TMPRSS2: variants seen among roughly 807,000 people sequenced by gnomAD.
TMPRSS2 encodes the protein transmembrane protease serine 2.
Under a neutral mutation model 67.4 loss-of-function variants are expected in TMPRSS2, and 59 were observed. The observed-to-expected ratio is 0.88, with a 90% CI of 0.71 to 1.09. The LOEUF is 1.09. Ranked by LOEUF, TMPRSS2 falls within the 50% of genes least tolerant of loss-of-function variation. The pLI is 0.00. For missense variants in TMPRSS2, 668 were observed against 642.7 expected (o/e 1.04, Z -0.43); for synonymous variants, 257 against 257.0 (o/e 1.00, Z 0.00).
intron 3 of TMPRSS2, among the ~76,000 whole-genome samples, chr21:41,492,944 C>A (rs144988776): frequency 1.3e-5 from 2 of 152,200 alleles, no homozygotes; most frequent in African/African-American, 2.4e-5. Flanking sequence ...TCCATCCCCA[C>A]GGTGGACAAA....
chr21:41,485,273 T>C (rs1292209491), intron 5 of TMPRSS2, among the ~76,000 whole-genome samples: 1 of 152,068 alleles, frequency 6.6e-6, no homozygotes, highest in Non-Finnish European at 1.5e-5. Context: ...GACTTAAATA[T>C]TAAGAAGAGA....
At chr21:41,481,847 G>T (rs1230281006) in intron 5 of TMPRSS2, among the ~76,000 whole-genome samples, 1 of 152,162 alleles carries the variant, frequency 6.6e-6, no homozygotes, top group Admixed American at 6.5e-5. Context: ...CAGATCACCT[G>T]AGGTCAGGCG....
At chr21:41,495,955 ATATAG>A (rs903560191) in intron 2 of TMPRSS2, among the ~76,000 whole-genome samples, 26 of 152,150 alleles carry the variant, frequency 1.7e-4, no homozygotes, top group African/African-American at 6.0e-4. Flanking sequence ...ATTTAGTAAA[ATATAG>A]TAATAATTTT....
chr21:41,483,996 G>A (rs923578491), intron 5 of TMPRSS2, among the ~76,000 whole-genome samples: 2 of 152,078 alleles, frequency 1.3e-5, no homozygotes, highest in African/African-American at 4.8e-5. Flanking sequence ...GTACATGCCT[G>A]TGGCCCCAGC....
intron 8 of TMPRSS2, among the ~76,000 whole-genome samples, chr21:41,475,986 G>C (rs1414121759): frequency 6.6e-6 from 1 of 151,976 alleles, no homozygotes; most frequent in Non-Finnish European, 1.5e-5. Context: ...CGACAGCACT[G>C]GGCCATCCCA....
chr21:41,498,107 T>TGAG lies in TMPRSS2; in HGVS notation c.15+11_15+12insCTC. 1 of 1,594,008 alleles carries TGAG rather than the reference T, an allele frequency of 6.3e-7. No individual in the cohort carries two copies. The highest frequency in any genetic ancestry group is 1.1e-5 in the South Asian group (1 of 89,936). ...AAAGAAAAGGCCAGGAAGGTAATAA[T>TGAG]TAACCACTTACTGAGTTCAAAGCCA... On this transcript the variant is annotated intron_variant, in intron 2 of 13. Transcript: ENST00000332149.
intron 12 of TMPRSS2, chr21:41,468,128 A>C: frequency 3.3e-6 from 2 of 615,376 alleles, no homozygotes; most frequent in South Asian, 4.2e-5. Flanking sequence ...TGCCGTTCAT[A>C]ATTTAAAATA....
At chr21:41,476,768 A>G in intron 7 of TMPRSS2, 148 bp from the exon 8 acceptor site, 1 of 735,208 alleles carries the variant, frequency 1.4e-6, no homozygotes, top group Non-Finnish European at 2.4e-6. Context: ...CAATAAGGTA[A>G]GTAAATCCAT....
rs565933739 is a variant in TMPRSS2 at position 41,472,086 on chromosome 21, T to A, written c.900-105A>T. 121 of 1,188,486 alleles carry A rather than the reference T, an allele frequency of 1.0e-4. 1 individual carries two copies. The African/African-American group carries it at 1.7e-3, about 17-fold the overall frequency. 73.6% of individuals were successfully genotyped at this position (1,188,486 alleles called of 1,614,324 possible). A position where few individuals can be genotyped will look rare whatever the true frequency, so the allele number is the denominator to read the frequency against. ...GGAGGCAAGACACCCAGAGGCAGGA[T>A]GGTTCACCAAAAACCACACAGGGAG... On this transcript the variant is annotated intron_variant, in intron 9 of 13. Coordinates refer to ENST00000332149, the MANE Select transcript of TMPRSS2 (RefSeq NM_005656.4).
chr21:41,494,234 C>T (rs1033495031), intron 3 of TMPRSS2, 122 bp downstream of exon 3: 9 of 1,052,188 alleles, frequency 8.6e-6, no homozygotes, highest in Admixed American at 8.3e-5. Context: ...CTCCGGAAGA[C>T]GGAGGAGAAG....
intron 5 of TMPRSS2, among the ~76,000 whole-genome samples, chr21:41,486,129 T>G (rs962732552): frequency 6.6e-6 from 1 of 152,166 alleles, no homozygotes; most frequent in African/African-American, 2.4e-5. Flanking sequence ...ACCTAAGAGA[T>G]TTCTGGTAAG....
chr21:41,498,541 G>A (rs1321355983), intron 1 of TMPRSS2, among the ~76,000 whole-genome samples: 5 of 152,182 alleles, frequency 3.3e-5, no homozygotes, highest in Admixed American at 3.3e-4. Context: ...GCTCTCAGGG[G>A]ACTGCCTGGG....
Position 41,494,318 on chromosome 21 carries a change from G to A in TMPRSS2, c.238+38C>T, listed in dbSNP as rs750152865. 9.3e-5 allele frequency: 150 copies of A among 1,607,564 alleles called. 1 individual carries two copies. Among genetic ancestry groups the A allele is most frequent in the East Asian group, 2.0e-4 (9 of 44,670 alleles). Reference sequence around the variant, plus strand: ...ACTGGGGAGGTAGACCCGGGACCCCGGGTTTATTACAGGAAATAAACACAA... The same window carrying A: ...ACTGGGGAGGTAGACCCGGGACCCCAGGTTTATTACAGGAAATAAACACAA... On this transcript the variant is annotated intron_variant, in intron 3 of 13. Coordinates refer to ENST00000332149, the MANE Select transcript of TMPRSS2 (RefSeq NM_005656.4).
intron 13 of TMPRSS2, among the ~76,000 whole-genome samples, chr21:41,466,851 G>C (rs775913931): frequency 9.9e-5 from 15 of 152,224 alleles, no homozygotes; most frequent in Non-Finnish European, 1.3e-4. Flanking sequence ...AGGTCCTGGA[G>C]ATGAGAAGAT....
chr21:41,473,928 T>G (rs908974697), intron 8 of TMPRSS2, among the ~76,000 whole-genome samples: 11 of 66,446 alleles, frequency 1.7e-4, no homozygotes, highest in Non-Finnish European at 2.3e-4. Flanking sequence ...AGTGAGGGAG[T>G]GAGTGAGGAG....
chr21:41,494,268 C>T (rs1472667074), intron 3 of TMPRSS2, 88 bp downstream of exon 3: 91 of 1,384,042 alleles, frequency 6.6e-5, no homozygotes, highest in Middle Eastern at 1.9e-4. Context: ...GAGGTGGCGA[C>T]AGTGGTGTTG....
intron 3 of TMPRSS2, 142 bp downstream of exon 3, chr21:41,494,214 G>A (rs1234779349): frequency 1.7e-5 from 15 of 904,056 alleles, no homozygotes; most frequent in South Asian, 4.7e-5. Context: ...AAGGCATGAA[G>A]ACAGGCTGGC....
Position 41,473,528 on chromosome 21 carries a change from G to A in TMPRSS2, c.728-32C>T, listed in dbSNP as rs374764415. 5.7e-6 allele frequency: 9 copies of A among 1,580,272 alleles called. No individual in the cohort carries two copies. In the Admixed American group the frequency reaches 8.8e-5, roughly 15 times the overall value. On this transcript the variant is annotated intron_variant, in intron 8 of 13. Coordinates refer to ENST00000332149, the MANE Select transcript of TMPRSS2 (RefSeq NM_005656.4). ...ATGACAAACAGGAGGCCAGTGGGGT[G>A]AGACCAGCAGAAGCCGCCCAGCCAC...
chr21:41,477,367 A>C (rs2091222773), intron 7 of TMPRSS2, among the ~76,000 whole-genome samples: 1 of 152,174 alleles, frequency 6.6e-6, no homozygotes, highest in South Asian at 2.1e-4. Context: ...CAACCACAAA[A>C]TCACGATCTG....
Sources: allele counts gnomAD v4.1 joint callset (sites outside exome capture counted in the v4.1 genomes callset), GRCh38; gene constraint gnomAD v4.1.1; transcripts MANE v1.5; gene names NCBI Gene and HGNC (gene_info 2026-07-23, HGNC 2026-07-21).